Variants in COMMD1 observed in about 807,000 individuals in gnomAD.
The protein encoded by COMMD1 is copper metabolism domain containing 1, also known as COMM domain-containing protein 1.
Under a neutral mutation model 17.2 loss-of-function variants are expected in COMMD1, and 10 were observed. The observed-to-expected ratio is 0.58, with a 90% CI of 0.36 to 0.99. The LOEUF (loss-of-function observed/expected upper bound fraction) is 0.99, where lower values mean the gene tolerates loss of function less well. Among genes scored for constraint, COMMD1 ranks in the 50% least tolerant of loss-of-function variants. The pLI is 0.01. For synonymous variants in COMMD1, 97 were observed against 91.6 expected, an observed-to-expected ratio of 1.06 and a Z score of -0.34; for missense variants, 270 against 231.8, an observed-to-expected ratio of 1.17 and a Z score of -1.07.
At chr2:61,901,738 G>A (rs1558515104), upstream of COMMD1, among the ~76,000 whole-genome samples, 1 of 152,130 alleles carries the variant, frequency 6.6e-6, no homozygotes, top group African/African-American at 2.4e-5. Flanking sequence ...AATCAGATAA[G>A]CAGAAAGCCA....
intron 2 of COMMD1, among the ~76,000 whole-genome samples, chr2:62,104,861 C>G (rs193210175): frequency 6.6e-6 from 1 of 152,098 alleles, no homozygotes; most frequent in East Asian, 1.9e-4. Flanking sequence ...CGCAGTAGCT[C>G]ATGCCTGTAG....
At chr2:61,984,486 G>A (rs547744851) in intron 1 of COMMD1, among the ~76,000 whole-genome samples, 4 of 152,158 alleles carry the variant, frequency 2.6e-5, no homozygotes, top group East Asian at 1.9e-4. Flanking sequence ...TCTTGTTGCC[G>A]ATTTCTAGTT....
chr2:62,003,019 G>A (rs2103810579), intron 2 of COMMD1, among the ~76,000 whole-genome samples: 1 of 151,104 alleles, frequency 6.6e-6, no homozygotes, highest in African/African-American at 2.4e-5. Flanking sequence ...TATCATCTGA[G>A]GTCAGGAGAT....
intron 1 of COMMD1, among the ~76,000 whole-genome samples, chr2:61,952,348 A>G (rs1309130537): frequency 6.6e-6 from 1 of 152,166 alleles, no homozygotes; most frequent in African/African-American, 2.4e-5. Flanking sequence ...TTTCCTGCTC[A>G]GGAGTCCTGT....
At chr2:62,132,500 T>C (rs1348004164) in intron 2 of COMMD1, among the ~76,000 whole-genome samples, 2 of 152,184 alleles carry the variant, frequency 1.3e-5, no homozygotes, top group African/African-American at 4.8e-5. Context: ...TATATGTTAG[T>C]TACTGGTAAT....
chr2:62,027,255 C>T (rs2103867694), intron 2 of COMMD1, among the ~76,000 whole-genome samples: 1 of 152,150 alleles, frequency 6.6e-6, no homozygotes, highest in Admixed American at 6.5e-5. Context: ...GCTTGTGTTT[C>T]TCTTCTGGCT....
chr2:62,103,221 G>T (rs948039372), intron 2 of COMMD1, among the ~76,000 whole-genome samples: 1 of 152,078 alleles, frequency 6.6e-6, no homozygotes, highest in Non-Finnish European at 1.5e-5. Context: ...CTCGTGATCC[G>T]CCTGCCGGCC....
chr2:61,979,329 T>C (rs1424668028), intron 1 of COMMD1, among the ~76,000 whole-genome samples: 1 of 151,898 alleles, frequency 6.6e-6, no homozygotes, highest in Non-Finnish European at 1.5e-5. Context: ...ATACAAAAAT[T>C]AGCCAGGCAT....
intron 1 of COMMD1, among the ~76,000 whole-genome samples, chr2:61,980,924 CATGT>C (rs977100132): frequency 5.3e-5 from 8 of 152,124 alleles, no homozygotes; most frequent in Non-Finnish European, 1.0e-4. Context: ...AGCATCTTTT[CATGT>C]ATGTTTGCCT....
At chr2:62,055,155 A>C (rs560284181) in intron 2 of COMMD1, among the ~76,000 whole-genome samples, 2 of 152,210 alleles carry the variant, frequency 1.3e-5, no homozygotes, top group Non-Finnish European at 2.9e-5. Flanking sequence ...GTGGCAAGTG[A>C]GCTGCATCTG....
chr2:62,084,009 C>T (rs557616744), intron 2 of COMMD1, among the ~76,000 whole-genome samples: 2 of 152,330 alleles, frequency 1.3e-5, no homozygotes, highest in African/African-American at 4.8e-5. Context: ...AAACATCTTT[C>T]TGTTTTCTCC....
At position 62,116,914 on chromosome 2, in the gene COMMD1, G is replaced by C. The variant is rs994237654; in HGVS notation, c.463-18917G>C. ...GAAGGCTGAGGCAAGAGAATCACTT[G>C]AACCCAGGAGGCGGAGGTTGTGGTG... On this transcript the variant is annotated intron_variant, in intron 2 of 2. Coordinates refer to ENST00000311832, the MANE Select transcript of COMMD1 (RefSeq NM_152516.4). Among the ~76,000 whole-genome samples, 5 of 143,916 alleles carry C rather than the reference G, an allele frequency of 3.5e-5. No individual in the cohort carries two copies. The East Asian group carries it at 8.5e-4, about 25-fold the overall frequency. 94.4% of individuals were successfully genotyped at this position (143,916 alleles called of 152,430 possible). A position where few individuals can be genotyped will look rare whatever the true frequency, so the allele number is the denominator to read the frequency against.
chr2:61,918,894 G>C (rs1318975022), intron 1 of COMMD1, among the ~76,000 whole-genome samples: 1 of 151,972 alleles, frequency 6.6e-6, no homozygotes, highest in Non-Finnish European at 1.5e-5. Context: ...TTATAAATTT[G>C]GACTTCTGTT....
chr2:61,940,550 A>G (rs1033928006), intron 1 of COMMD1, among the ~76,000 whole-genome samples: 6 of 152,172 alleles, frequency 3.9e-5, no homozygotes, highest in South Asian at 4.1e-4. Context: ...CGTCAAATTT[A>G]TATCTTAATT....
intron 2 of COMMD1, among the ~76,000 whole-genome samples, chr2:62,123,192 G>GA (rs1053082980): frequency 2.0e-5 from 3 of 151,000 alleles, no homozygotes; most frequent in South Asian, 2.1e-4. Context: ...GACCCCATCA[G>GA]AAAAAAAATA....
At chr2:61,925,578 G>A (rs1450349517) in intron 1 of COMMD1, among the ~76,000 whole-genome samples, 2 of 152,172 alleles carry the variant, frequency 1.3e-5, no homozygotes, top group Admixed American at 6.5e-5. Flanking sequence ...TCGCAGCAAG[G>A]TCTGATAAGT....
chr2:61,930,617 TTGTGTGTGTGTGTGTGTGTGTGTG>T (rs59488185), intron 1 of COMMD1, among the ~76,000 whole-genome samples: 2 of 146,166 alleles, frequency 1.4e-5, no homozygotes, highest in South Asian at 4.5e-4. Flanking sequence ...CCACAGGGTT[TTGTGTGTGTGTGTGTGTGTGTGTG>T]TGTGTGTGTG....
intron 2 of COMMD1, among the ~76,000 whole-genome samples, chr2:62,012,428 C>T (rs958793780): frequency 1.3e-5 from 2 of 151,848 alleles, no homozygotes; most frequent in African/African-American, 2.4e-5. Context: ...AAGCAATTCC[C>T]CTGCCTCAGC....
chr2:62,067,778 A>C (rs1461571348), intron 2 of COMMD1, among the ~76,000 whole-genome samples: 1 of 152,114 alleles, frequency 6.6e-6, no homozygotes, highest in Admixed American at 6.6e-5. Context: ...ATAGGGCAGG[A>C]CACCTGTCAC....
Sources: gnomAD v4.1 joint callset for allele counts (sites outside exome capture counted in the v4.1 genomes callset) on GRCh38, gnomAD v4.1.1 for gene constraint, MANE v1.5 for transcripts, NCBI Gene and HGNC (gene_info 2026-07-23, HGNC 2026-07-21) for gene names.